Variants in MICAL3 observed in about 807,000 individuals in gnomAD.
The protein encoded by MICAL3 is [F-actin]-monooxygenase MICAL3.
In MICAL3, 62 loss-of-function variants were observed where a neutral mutation model predicts 207.4. The ratio of observed to expected loss-of-function variants is 0.30; its 90% CI spans 0.24 to 0.37. The LOEUF (loss-of-function observed/expected upper bound fraction) is 0.37, where lower values mean the gene tolerates loss of function less well. MICAL3 is among the 10% of genes least tolerant of loss of function. MICAL3 has a pLI of 1.00. For missense variants in MICAL3, 2,368 were observed against 2,635.6 expected (o/e 0.90, Z 2.22); for synonymous variants, 1,077 against 1,069.3 (o/e 1.01, Z -0.14).
intron 16 of MICAL3, among the ~76,000 whole-genome samples, chr22:17,873,425 C>T (rs1481716717): frequency 4.6e-5 from 7 of 152,380 alleles, no homozygotes; most frequent in Admixed American, 3.3e-4. Context: ...AGGCAGCGAA[C>T]GCTCCCAGGC....
chr22:17,835,423 C>T (rs1424220089), intron 20 of MICAL3, among the ~76,000 whole-genome samples: 1 of 152,228 alleles, frequency 6.6e-6, no homozygotes, highest in African/African-American at 2.4e-5. Flanking sequence ...CCTTTCCAGT[C>T]CATGATTTTC....
Position 17,791,077 on chromosome 22 carries a change from G to T in MICAL3, c.5751-6C>A, listed in dbSNP as rs372046595. The T allele has an allele frequency of 3.7e-6, 6 of 1,610,942 alleles. No homozygotes were observed. The highest frequency in any genetic ancestry group is 5.1e-6 in the Non-Finnish European group (6 of 1,179,454). On this transcript the variant is annotated splice_region_variant and splice_polypyrimidine_tract_variant and intron_variant, in intron 30 of 31. Coordinates refer to ENST00000441493, the MANE Select transcript of MICAL3 (RefSeq NM_015241.3). ...CCAGCTCCAGCTCCCGGGCACTGAG[G>T]AGGCAGGGCAGGAGGGAGACAAGCC...
chr22:17,877,193 G>A (rs1196350000), intron 16 of MICAL3, among the ~76,000 whole-genome samples: 13 of 103,454 alleles, frequency 1.3e-4, no homozygotes, highest in Admixed American at 2.7e-4. Context: ...AAGTTATGGA[G>A]GTTAGGGAGG....
chr22:17,876,858 G>A (rs1303528765), intron 16 of MICAL3: 118 of 135,726 alleles, frequency 8.7e-4, no homozygotes, highest in African/African-American at 3.4e-3. Context: ...GGAGGTTATG[G>A]AGGTTAGGGA....
intron 19 of MICAL3, among the ~76,000 whole-genome samples, chr22:17,855,656 G>T (rs564629161): frequency 1.3e-5 from 2 of 152,172 alleles, no homozygotes; most frequent in African/African-American, 4.8e-5. Context: ...CAGTCAATTC[G>T]GATGGTTGTC....
chr22:17,911,027 A>G (rs201828259), intron 1 of MICAL3, among the ~76,000 whole-genome samples: 23 of 26,828 alleles, frequency 8.6e-4, no homozygotes, highest in African/African-American at 8.2e-3. Flanking sequence ...GGGCTGGGGG[A>G]GGAAGAGGAG....
At chr22:17,821,972 T>G in intron 24 of MICAL3, 58 bp downstream of exon 24, 2 of 1,589,890 alleles carry the variant, frequency 1.3e-6, no homozygotes, top group Non-Finnish European at 1.7e-6. Context: ...CACTCTTGTG[T>G]GCATATGGCC....
chr22:17,798,468 G>C (rs542974090), intron 29 of MICAL3, among the ~76,000 whole-genome samples: 1 of 152,062 alleles, frequency 6.6e-6, no homozygotes. Flanking sequence ...AAAGAGGCTC[G>C]CTTATTCTCA....
intron 1 of MICAL3, among the ~76,000 whole-genome samples, chr22:17,994,064 G>A (rs1225530641): frequency 6.6e-6 from 1 of 152,180 alleles, no homozygotes; most frequent in African/African-American, 2.4e-5. Context: ...TGGGCACTCA[G>A]GACAGTGTGG....
At chr22:17,977,023 A>G (rs145489586) in intron 1 of MICAL3, among the ~76,000 whole-genome samples, 4,603 of 151,978 alleles carry the variant, frequency 0.03, 232 homozygotes, top group African/African-American at 0.1. Flanking sequence ...AGCCAGGATG[A>G]TCTCGATCTG....
intron 16 of MICAL3, chr22:17,881,188 C>T: frequency 6.3e-7 from 1 of 1,598,994 alleles, no homozygotes; most frequent in African/African-American, 1.3e-5. Flanking sequence ...GAACATGGAG[C>T]ATGCAGAGAG....
In MICAL3 at chr22:17,900,824, G is replaced by A. The variant is rs775641822; in HGVS notation, c.847+18C>T. 55 of 1,613,098 alleles carry A rather than the reference G, an allele frequency of 3.4e-5. No individual in the cohort carries two copies. Among genetic ancestry groups the A allele is most frequent in the South Asian group, 2.7e-4 (25 of 91,020 alleles). Reference sequence around the variant, plus strand: ...ATTTAAGTTTCTATCCTAGGGCTCCGGAGACATCAACACCAACCTGTGGCT... The same window carrying A: ...ATTTAAGTTTCTATCCTAGGGCTCCAGAGACATCAACACCAACCTGTGGCT... On this transcript the variant is annotated intron_variant, in intron 6 of 31. Coordinates refer to ENST00000441493, the MANE Select transcript of MICAL3 (RefSeq NM_015241.3). The surrounding 1 kb of genome is among the most constrained non-coding windows in gnomAD (Gnocchi z 4.0).
chr22:17,978,073 T>C (rs1602334404), intron 1 of MICAL3, among the ~76,000 whole-genome samples: 1 of 151,870 alleles, frequency 6.6e-6, no homozygotes. Flanking sequence ...AATATACACC[T>C]ACACAAAAAC....
intron 1 of MICAL3, among the ~76,000 whole-genome samples, chr22:18,018,785 T>TAC (rs1231744574): frequency 6.6e-5 from 10 of 151,444 alleles, no homozygotes; most frequent in African/African-American, 1.9e-4. Context: ...CACACACACA[T>TAC]ACACACATAC....
chr22:18,007,431 T>C (rs1763668587), intron 1 of MICAL3: 1 of 149,088 alleles, frequency 6.7e-6, no homozygotes, highest in East Asian at 2.0e-4. Context: ...AACATGATGG[T>C]TTTTTTTTTC....
intron 18 of MICAL3, among the ~76,000 whole-genome samples, chr22:17,865,199 C>G (rs1054885250): frequency 6.6e-6 from 1 of 151,968 alleles, no homozygotes; most frequent in Admixed American, 6.6e-5. Context: ...CAGCCCCGAC[C>G]TCCTGGGCTC....
chr22:17,876,763 TTAGGGAAGTTATGGAGGTTAG>T (rs1569108935), intron 16 of MICAL3: 5 of 142,770 alleles, frequency 3.5e-5, no homozygotes, highest in African/African-American at 1.1e-4. Flanking sequence ...GTTAAGGAGG[TTAGGGAAGTTATGGAGGTTAG>T]GGAGGTTAGG....
chr22:18,005,750 G>A (rs13340060), intron 1 of MICAL3: 27 of 152,248 alleles, frequency 1.8e-4, no homozygotes, highest in African/African-American at 6.5e-4. Context: ...TTAGCCCCAT[G>A]TCAATGAAGA....
In MICAL3 at chr22:17,896,594, T is replaced by C. The variant is rs567148549; in HGVS notation, c.1206+130A>G. ...CCTGTAGCCCTCCTCTACTTCCTGG[T>C]GTGACTCCTGCAGGGAGTTTACCTG... On this transcript the variant is annotated intron_variant, in intron 8 of 31. Coordinates refer to ENST00000441493, the MANE Select transcript of MICAL3 (RefSeq NM_015241.3). The C allele has an allele frequency of 7.2e-6, 7 of 969,980 alleles. No individual in the cohort carries two copies. In the African/African-American group the frequency reaches 8.2e-5, roughly 11 times the overall value. 60.1% of individuals were successfully genotyped at this position (969,980 alleles called of 1,614,324 possible). A position where few individuals can be genotyped will look rare whatever the true frequency, so the allele number is the denominator to read the frequency against.
Sources: allele counts gnomAD v4.1 joint callset (sites outside exome capture counted in the v4.1 genomes callset), GRCh38; gene constraint gnomAD v4.1.1; non-coding constraint Gnocchi (gnomAD v3.1); transcripts MANE v1.5; gene names NCBI Gene and HGNC (gene_info 2026-07-23, HGNC 2026-07-21).